The following CHRNA10 variants were observed in gnomAD, a reference collection of about 807,000 sequenced individuals.
CHRNA10 encodes the protein neuronal acetylcholine receptor subunit alpha-10.
In CHRNA10, 31 loss-of-function variants were observed where a neutral mutation model predicts 36.0. The observed-to-expected ratio is 0.86, with a 90% CI of 0.65 to 1.16. The LOEUF is 1.16. Ranked by LOEUF, CHRNA10 falls within the 50% of genes most tolerant of loss-of-function variation. CHRNA10 has a pLI of 0.00. For synonymous variants in CHRNA10, 302 were observed against 287.0 expected (o/e 1.05, Z -0.53); for missense variants, 648 against 640.9 (o/e 1.01, Z -0.12).
intron 3 of CHRNA10, chr11:3,668,901 G>C (rs1329966932): frequency 3.5e-6 from 1 of 282,680 alleles, no homozygotes; most frequent in Admixed American, 4.9e-5. Flanking sequence ...GGGGAGCCCT[G>C]AGAGACTTAG....
At chr11:3,666,736 T>C (rs2077665400) in intron 4 of CHRNA10, among the ~76,000 whole-genome samples, 172 bp from the exon 5 acceptor site, 1 of 152,136 alleles carries the variant, frequency 6.6e-6, no homozygotes, top group Non-Finnish European at 1.5e-5. Context: ...CCATCCTTCA[T>C]TCCTACACGT....
rs1564790935 is a variant in CHRNA10, at chr11:3,671,256, AG to A, written c.56del (p.Pro19LeufsTer27). 2 of 1,614,146 alleles carry A rather than the reference AG, an allele frequency of 1.2e-6. No homozygotes were observed. Among genetic ancestry groups the A allele is most frequent in the Non-Finnish European group, 8.5e-7 (1 of 1,179,956 alleles). ...CTGGTGTACTGAGCTTCATACCTGCAGGGAGTAGAAACAGAAGCAGAAGGCC... is the reference window on the plus strand; with the variant it reads ...CTGGTGTACTGAGCTTCATACCTGCAGGAGTAGAAACAGAAGCAGAAGGCC... ...SLGLLLLFLLPAECLGAEGRL... is the reference protein window; with the variant it reads ...SLGLLLLFLLXAECLGAEGRL... On this transcript the variant is annotated frameshift_variant, in exon 1 of 5. Transcript: ENST00000250699. LOFTEE classifies it high-confidence loss of function.
Position 3,669,895 on chromosome 11 carries a change from G to A in CHRNA10, c.108C>T (p.Asp36=). 6.2e-7 allele frequency: 1 copy of A among 1,614,154 alleles called. No individual in the cohort carries two copies. Among genetic ancestry groups the A allele is most frequent in the South Asian group, 1.1e-5 (1 of 91,084 alleles). Residue 36 remains aspartate, a synonymous_variant, in exon 2 of 5, where the codon GAC becomes GAT. Transcript: ENST00000250699. ...GGGCACTTGTGTAGTTGGCAAAGAG[G>A]TCACGGAACAGCTTGAGAGCCAGCC... The part of the protein sequence containing the change: ...EGRLALKLFR[D]LFANYTSALR...
At chr11:3,669,635 T>G in intron 2 of CHRNA10, 161 bp downstream of exon 2, 2 of 973,062 alleles carry the variant, frequency 2.1e-6, no homozygotes, top group Non-Finnish European at 3.2e-6. Flanking sequence ...CAATACTCAG[T>G]ACCCAACAGT....
In CHRNA10 at chr11:3,666,153, GAGA is replaced by G. The variant is rs745726050; in HGVS notation, c.1304_1306del (p.Phe435del). The G allele has an allele frequency of 1.9e-6, 3 of 1,600,878 alleles. No individual in the cohort carries two copies. Among genetic ancestry groups the G allele is most frequent in the South Asian group, 1.1e-5 (1 of 88,728 alleles). ...CAGGAGGCTCATGACCAGGGCCATG[GAGA>G]AGAAGATGGCCAGGAAGAAGCGGTC... is the stretch of plus-strand genomic sequence containing the variant. On this transcript the variant is annotated inframe_deletion, in exon 5 of 5. Transcript: ENST00000250699.
Position 3,666,466 on chromosome 11 carries a change from C to A in CHRNA10, c.994G>T (p.Val332Leu), listed in dbSNP as rs756583689. 1.2e-6 allele frequency: 2 copies of A among 1,613,350 alleles called. No individual in the cohort carries two copies. The highest frequency in any genetic ancestry group is 8.5e-7 in the Non-Finnish European group (1 of 1,179,618). ...AGGAGGGCCCTAGCCCAGGCTGGCA[C>A]TGGGCGGACACTGGGACCACAGTAA... The part of the protein sequence containing the change: ...LHYCGPSVRP[V>L]PAWARALLLG... Residue 332 changes from valine (V) to leucine (L), a missense_variant, in exon 5 of 5, where the codon GTG becomes TTG. Physicochemically the swap from Val to Leu is conservative, Grantham distance 32. Coordinates refer to ENST00000250699, the MANE Select transcript of CHRNA10 (RefSeq NM_020402.4).
Position 3,669,851 on chromosome 11 carries a change from G to T in CHRNA10, c.152C>A (p.Thr51Lys). The change falls in exon 2 of 5, where the codon ACA becomes AAA. Residue 51 changes from threonine to lysine, a missense_variant. Thr to Lys is a moderately conservative substitution (Grantham distance 78, BLOSUM62 -1). Transcript: ENST00000250699. The stretch of plus-strand genomic sequence containing the variant: ...CAGGGTCACATTCAGAGTCTGGTCT[G>T]TGTCTGCCACAGGTCTCAGGGCACT... ...YTSALRPVAD[T>K]DQTLNVTLEV... 6.2e-7 allele frequency: 1 copy of T among 1,614,180 alleles called. No individual in the cohort carries two copies. Among genetic ancestry groups the T allele is most frequent in the South Asian group, 1.1e-5 (1 of 91,086 alleles).
At position 3,669,203 on chromosome 11, in the gene CHRNA10, A is replaced by G. The variant is rs572612804; in HGVS notation, c.355T>C (p.Tyr119His). 90 of 1,613,022 alleles carry G rather than the reference A, an allele frequency of 5.6e-5. No individual in the cohort carries two copies. The highest frequency in any genetic ancestry group is 3.2e-4 in the Admixed American group (19 of 59,928). The change falls in exon 3 of 5, where the codon TAT (tyrosine) becomes CAT (histidine). Residue 119 changes from tyrosine to histidine, a missense_variant. Coordinates refer to ENST00000250699, the MANE Select transcript of CHRNA10 (RefSeq NM_020402.4). ...SLVWRPDIVL[Y>H]NKADAQPPGS... ...GGCCCAGATAGGCAGTACTTGTTATAGAGTACGATGTCTGGCCGCCACACA... is the reference window on the plus strand; with the variant it reads ...GGCCCAGATAGGCAGTACTTGTTATGGAGTACGATGTCTGGCCGCCACACA...
intron 4 of CHRNA10, 128 bp downstream of exon 4, chr11:3,667,104 C>G (rs1167109102): frequency 7.3e-7 from 1 of 1,375,492 alleles, no homozygotes; most frequent in Non-Finnish European, 9.5e-7. Context: ...AAAATGAGGG[C>G]ACGTTCCCAG....
At chr11:3,670,112 C>T (rs893306209) in intron 1 of CHRNA10, among the ~76,000 whole-genome samples, 171 bp from the exon 2 acceptor site, 7 of 152,214 alleles carry the variant, frequency 4.6e-5, no homozygotes, top group East Asian at 3.8e-4. Context: ...TGCAGGGACA[C>T]ATGAGGTAAA....
Position 3,666,111 on chromosome 11 carries a change from A to T in CHRNA10, c.1349T>A (p.Leu450Gln), listed in dbSNP as rs1291414017. ...CCTGTGACTTAGTCCCAGCCCTCAC[A>T]GGGCCTGCACCAGCACCAGGAGGCT... The part of the protein sequence containing the change: ...VMSLLVLVQA[L>Q] The change falls in exon 5 of 5, where the codon CTG becomes CAG. Residue 450 changes from leucine (L) to glutamine (Q), a missense_variant. Coordinates refer to ENST00000250699, the MANE Select transcript of CHRNA10 (RefSeq NM_020402.4). The T allele has an allele frequency of 1.3e-6, 2 of 1,539,420 alleles. No individual in the cohort carries two copies. Among genetic ancestry groups the T allele is most frequent in the Admixed American group, 4.1e-5 (2 of 48,576 alleles).
intron 3 of CHRNA10, 98 bp from the exon 4 acceptor site, chr11:3,667,862 A>C (rs1051920081): frequency 4.5e-5 from 48 of 1,071,670 alleles, no homozygotes; most frequent in Non-Finnish European, 6.0e-5. Flanking sequence ...GCTGAAAGAA[A>C]CCAAAACTTC....
Position 3,667,727 on chromosome 11 carries a change from C to T in CHRNA10, c.400G>A (p.Val134Met), listed in dbSNP as rs2060458636. 6 of 1,569,062 alleles carry T rather than the reference C, an allele frequency of 3.8e-6. No homozygotes were observed. In the East Asian group the frequency reaches 9.2e-5, roughly 24 times the overall value. ...ACGGCGCCATCGTGGCGCAGGACCA[C>T]GTTGGTGCTGGCGGAACCTGGAGGC... The part of the protein sequence containing the change: ...AQPPGSASTN[V>M]VLRHDGAVRW... Residue 134 changes from valine (V) to methionine (M), a missense_variant, in exon 4 of 5, where the codon GTG (valine) becomes ATG (methionine). Physicochemically the swap from Val to Met is conservative, Grantham distance 21 (BLOSUM62 1). Coordinates refer to ENST00000250699, the MANE Select transcript of CHRNA10 (RefSeq NM_020402.4).
rs566254059 is a variant in CHRNA10, at chr11:3,670,113, A to G, written c.62-172T>C. Among the ~76,000 whole-genome samples the G allele has an allele frequency of 2.6e-5, 4 of 152,308 alleles. No homozygotes were observed. In the South Asian group the frequency reaches 8.3e-4, roughly 32 times the overall value. On this transcript the variant is annotated intron_variant, in intron 1 of 4. Transcript: ENST00000250699. Reference sequence around the variant, plus strand: ...CTCCCTGGCCTGCCTGCAGGGACACATGAGGTAAAGGCCATGGAGTGAACT... The same window carrying G: ...CTCCCTGGCCTGCCTGCAGGGACACGTGAGGTAAAGGCCATGGAGTGAACT...
chr11:3,669,720 T>TC (rs2077698099), intron 2 of CHRNA10, 76 bp downstream of exon 2: 6 of 1,541,762 alleles, frequency 3.9e-6, no homozygotes, highest in African/African-American at 1.4e-5. Context: ...TGGAGAATAA[T>TC]CCCAGTCTCT....
chr11:3,668,329 C>A (rs528729826), intron 3 of CHRNA10, among the ~76,000 whole-genome samples: 2 of 152,128 alleles, frequency 1.3e-5, no homozygotes, highest in South Asian at 4.2e-4. Context: ...CTGGCTAACA[C>A]GGTGAAACCT....
In CHRNA10 at chr11:3,667,690, G is replaced by A. The variant is rs1181975353; in HGVS notation, c.437C>T (p.Ala146Val). The change falls in exon 4 of 5, where the codon GCG becomes GTG. Residue 146 changes from alanine to valine, a missense_variant. Coordinates refer to ENST00000250699, the MANE Select transcript of CHRNA10 (RefSeq NM_020402.4). ...LRHDGAVRWDAPAITRSSCRV... is the reference protein window; with the variant it reads ...LRHDGAVRWDVPAITRSSCRV... ...GCACGAGCTGCGCGTGATGGCCGGC[G>A]CGTCCCAGCGCACGGCGCCATCGTG... is the stretch of plus-strand genomic sequence containing the variant. 3.8e-6 allele frequency: 6 copies of A among 1,571,126 alleles called. No individual in the cohort carries two copies. Among genetic ancestry groups the A allele is most frequent in the South Asian group, 3.4e-5 (3 of 87,756 alleles).
intron 2 of CHRNA10, 84 bp from the exon 3 acceptor site, chr11:3,669,434 G>T: frequency 6.6e-7 from 1 of 1,525,458 alleles, no homozygotes; most frequent in Non-Finnish European, 8.9e-7. Flanking sequence ...GCAGGGCTCT[G>T]GTCAGCACCC....
chr11:3,666,568 C>G lies in CHRNA10; in HGVS notation c.896-4G>C. 6.6e-7 allele frequency: 1 copy of G among 1,520,070 alleles called. No individual in the cohort carries two copies. The highest frequency in any genetic ancestry group is 8.8e-7 in the Non-Finnish European group (1 of 1,133,422). The allele number at this position is 1,520,070 out of a possible 1,614,324, so 94.2% of individuals were successfully genotyped here. On this transcript the variant is annotated splice_region_variant and splice_polypyrimidine_tract_variant and intron_variant, in intron 4 of 4. Transcript: ENST00000250699. Reference sequence around the variant, plus strand: ...ATAGTGGCCATGTAGTACTTCCCTGCAAGAGAGAGAGAAAGCCAATTGACT... The same window carrying G: ...ATAGTGGCCATGTAGTACTTCCCTGGAAGAGAGAGAGAAAGCCAATTGACT...
Sources: gnomAD v4.1 joint callset for allele counts (sites outside exome capture counted in the v4.1 genomes callset) on GRCh38, gnomAD v4.1.1 for gene constraint, MANE v1.5 for transcripts, NCBI Gene and HGNC (gene_info 2026-07-23, HGNC 2026-07-21) for gene names.